The following ZIM3 variants were observed in gnomAD, a reference collection of about 807,000 sequenced individuals.
ZIM3 encodes the protein zinc finger imprinted 3, also known as zinc finger protein 657.
A neutral mutation model predicts 12.9 loss-of-function variants in ZIM3; 11 were observed. The ratio of observed to expected loss-of-function variants is 0.85; its 90% confidence interval spans 0.54 to 1.41. ZIM3 has a LOEUF of 1.41. Ranked by LOEUF, ZIM3 falls within the 40% of genes most tolerant of loss-of-function variation. The pLI, the probability that ZIM3 is intolerant of heterozygous loss-of-function variation, is 0.00. For synonymous variants in ZIM3, 205 were observed against 198.5 expected, an observed-to-expected ratio of 1.03 and a Z score of -0.28; for missense variants, 604 against 557.2, an observed-to-expected ratio of 1.08 and a Z score of -0.85.
Position 57,135,511 on chromosome 19 carries a change from T to C in ZIM3, c.826A>G (p.Lys276Glu). 1 of 1,614,116 alleles carries C rather than the reference T, an allele frequency of 6.2e-7. No homozygotes were observed. The highest frequency in any genetic ancestry group is 1.3e-5 in the African/African-American group (1 of 75,050). Reference protein sequence around the residue: ...CINHEKIHNAKKSYQCNECEK... With the variant: ...CINHEKIHNAEKSYQCNECEK... ...CATTCATTACACTGATAGGATTTCT[T>C]GGCATTATGAATTTTCTCATGATTA... is the stretch of plus-strand genomic sequence containing the variant. Residue 276 changes from lysine to glutamate, a missense_variant, in exon 5 of 5, where the codon AAG (lysine) becomes GAG (glutamate). Physicochemically the swap from Lys to Glu is moderately conservative, Grantham distance 56. Coordinates refer to ENST00000269834, the MANE Select transcript of ZIM3 (RefSeq NM_052882.1).
chr19:57,142,603 G>T (rs750715649), intron 2 of ZIM3, 26 bp downstream of exon 2: 13 of 1,612,808 alleles, frequency 8.1e-6, no homozygotes, highest in Non-Finnish European at 1.0e-5. Flanking sequence ...TTCATTATGA[G>T]ATTTAGATTT....
chr19:57,136,792 C>A lies in ZIM3; in HGVS notation c.241+81G>T, dbSNP rs11882626. ...AGCACTCCCAGGAAGTCACAGCTGG[C>A]TGCCAAACGACTTCCTCATTTAGAA... On this transcript the variant is annotated intron_variant, in intron 4 of 4. Coordinates refer to ENST00000269834, the MANE Select transcript of ZIM3 (RefSeq NM_052882.1). 4.8e-3 allele frequency: 5,763 copies of A among 1,201,932 alleles called. 169 individuals are homozygous for A. The African/African-American group carries it at 0.072, about 15-fold the overall frequency. The allele number at this position is 1,201,932 out of a possible 1,614,324, so 74.5% of individuals were successfully genotyped here. A position where few individuals can be genotyped will look rare whatever the true frequency, so the allele number is the denominator to read the frequency against.
chr19:57,139,947 C>T (rs2086906319), intron 2 of ZIM3, among the ~76,000 whole-genome samples: 1 of 152,104 alleles, frequency 6.6e-6, no homozygotes, highest in Admixed American at 6.5e-5. Context: ...CAGGGTCACA[C>T]AGCACTCCCC....
In ZIM3 at chr19:57,135,325, T is replaced by C. The variant is rs377034508; in HGVS notation, c.1012A>G (p.Ser338Gly). The C allele has an allele frequency of 2.8e-5, 45 of 1,614,018 alleles. No homozygotes were observed. In the African/African-American group the frequency reaches 5.3e-4, roughly 19 times the overall value. Residue 338 changes from serine to glycine, a missense_variant, in exon 5 of 5, where the codon AGC becomes GGC. Coordinates refer to ENST00000269834, the MANE Select transcript of ZIM3 (RefSeq NM_052882.1). ...IHTGEKPYKC[S>G]ICEKAFSQKS... Reference sequence around the variant, plus strand: ...TGGGAAAAGGCCTTCTCACATATGCTACATTTATAGGGTTTCTCTCCCGTG... The same window carrying C: ...TGGGAAAAGGCCTTCTCACATATGCCACATTTATAGGGTTTCTCTCCCGTG...
Position 57,142,683 on chromosome 19 carries a change from G to C in ZIM3, c.-40C>G. The stretch of plus-strand genomic sequence containing the variant: ...CAGTCAGTAAAGTCTTGGGAAGGCA[G>C]ATCTGAGGGAAAATGGAAAAGAACC... On this transcript the variant is annotated splice_region_variant and 5_prime_UTR_variant, in exon 2 of 5. It adds an upstream start codon to the 5' untranslated region. Transcript: ENST00000269834. 1 of 1,609,926 alleles carries C rather than the reference G, an allele frequency of 6.2e-7. No individual in the cohort carries two copies. The highest frequency in any genetic ancestry group is 8.5e-7 in the Non-Finnish European group (1 of 1,177,878).
Position 57,134,729 on chromosome 19 carries a change from T to TA in ZIM3, c.*188dup. 1.7e-6 allele frequency: 1 copy of TA among 577,824 alleles called. No homozygotes were observed. Among genetic ancestry groups the TA allele is most frequent in the Non-Finnish European group, 3.0e-6 (1 of 335,588 alleles). The allele number at this position is 577,824 out of a possible 1,614,324, so 35.8% of individuals were successfully genotyped here. ...TTCCTGGTACACAAAAGGCATCTAATAAATATTTATACTTAATAAACATTT... is the reference window on the plus strand; with the variant it reads ...TTCCTGGTACACAAAAGGCATCTAATAAAATATTTATACTTAATAAACATTT... On this transcript the variant is annotated 3_prime_UTR_variant, in exon 5 of 5. Transcript: ENST00000269834.
intron 3 of ZIM3, among the ~76,000 whole-genome samples, chr19:57,137,922 A>AGAAG (rs1285328183): frequency 4.8e-5 from 1 of 20,712 alleles, no homozygotes. Context: ...AAGGAAGGAA[A>AGAAG]GAAGGAAGGA....
At chr19:57,140,763 C>T (rs549406671) in intron 2 of ZIM3, among the ~76,000 whole-genome samples, 1 of 152,304 alleles carries the variant, frequency 6.6e-6, no homozygotes, top group East Asian at 1.9e-4. Context: ...TGAGCCACCA[C>T]ACCCAGCCTT....
Position 57,138,053 on chromosome 19 carries a change from A to AGG in ZIM3, c.142+418_142+419insCC, listed in dbSNP as rs1196432056. Among the ~76,000 whole-genome samples the AGG allele has an allele frequency of 3.6e-4, 26 of 73,174 alleles. 1 individual carries two copies. Among genetic ancestry groups the AGG allele is most frequent in the African/African-American group, 8.6e-4 (13 of 15,130 alleles). 48.0% of individuals were successfully genotyped at this position (73,174 alleles called of 152,430 possible). A position where few individuals can be genotyped will look rare whatever the true frequency, so the allele number is the denominator to read the frequency against. On this transcript the variant is annotated intron_variant, in intron 3 of 4. Coordinates refer to ENST00000269834, the MANE Select transcript of ZIM3 (RefSeq NM_052882.1). ...AAGGAAAGAAGGAAGGAAGGAAGGA[A>AGG]AGAAGGAAGGAAGGAAGGAAGGAAA...
rs111671844 is a variant in ZIM3, at chr19:57,136,304, C to T, written c.242-209G>A. Among the ~76,000 whole-genome samples, 117 of 152,166 alleles carry T rather than the reference C, an allele frequency of 7.7e-4. 1 individual carries two copies. The highest frequency in any genetic ancestry group is 2.5e-3 in the African/African-American group (105 of 41,520). On this transcript the variant is annotated intron_variant, in intron 4 of 4. Transcript: ENST00000269834. ...TATCTGTCTGTAAAGGACTGAGCAACGTAGACCTAGTGCACAGGGAGCAGG... is the reference window on the plus strand; with the variant it reads ...TATCTGTCTGTAAAGGACTGAGCAATGTAGACCTAGTGCACAGGGAGCAGG...
At chr19:57,136,466 C>T (rs1286276984) in intron 4 of ZIM3, among the ~76,000 whole-genome samples, 1 of 151,648 alleles carries the variant, frequency 6.6e-6, no homozygotes, top group African/African-American at 2.4e-5. Context: ...GGTTCAAGAC[C>T]AGCCTGACCA....
intron 3 of ZIM3, 114 bp downstream of exon 3, chr19:57,138,358 A>C: frequency 6.7e-7 from 1 of 1,488,394 alleles, no homozygotes; most frequent in South Asian, 1.1e-5. Context: ...GCTCTACAAA[A>C]ACATATGCGA....
At chr19:57,142,741 G>A in intron 1 of ZIM3, 56 bp from the exon 2 acceptor site, 3 of 1,392,982 alleles carry the variant, frequency 2.2e-6, no homozygotes, top group Non-Finnish European at 3.0e-6. Context: ...GGAAGTTGGG[G>A]ATCATCCAGC....
At chr19:57,140,536 A>G (rs2122667846) in intron 2 of ZIM3, among the ~76,000 whole-genome samples, 1 of 151,912 alleles carries the variant, frequency 6.6e-6, no homozygotes, top group Non-Finnish European at 1.5e-5. Context: ...GTACAGTGGC[A>G]TGATCATGGC....
intron 4 of ZIM3, 48 bp from the exon 5 acceptor site, chr19:57,136,143 A>T: frequency 6.7e-7 from 1 of 1,496,282 alleles, no homozygotes; most frequent in Non-Finnish European, 9.1e-7. Context: ...TTCCACTCAC[A>T]TGCTTGAAAT....
At chr19:57,138,349 C>T (rs1419415588) in intron 3 of ZIM3, 123 bp downstream of exon 3, 2 of 1,419,768 alleles carry the variant, frequency 1.4e-6, no homozygotes. Context: ...CTAGTCCCGG[C>T]TCTACAAAAA....
chr19:57,143,223 C>T (rs8112878), intron 1 of ZIM3, among the ~76,000 whole-genome samples: 9 of 151,404 alleles, frequency 5.9e-5, no homozygotes, highest in Non-Finnish European at 1.0e-4. Context: ...CCCAGCTACT[C>T]GGGAGGCTGA....
chr19:57,134,607 T>G lies in ZIM3; in HGVS notation c.*311A>C, dbSNP rs2086876500. 4.0e-6 allele frequency: 1 copy of G among 249,878 alleles called. No individual in the cohort carries two copies. The highest frequency in any genetic ancestry group is 2.2e-5 in the African/African-American group (1 of 44,560). 15.5% of individuals were successfully genotyped at this position (249,878 alleles called of 1,614,324 possible). On this transcript the variant is annotated 3_prime_UTR_variant, in exon 5 of 5. Coordinates refer to ENST00000269834, the MANE Select transcript of ZIM3 (RefSeq NM_052882.1). The stretch of plus-strand genomic sequence containing the variant: ...AAAAGTATAGTCTTTTAAACGTTTT[T>G]AAAGATATGGATACCACTGGTCATT...
At chr19:57,141,160 T>C (rs1377222150) in intron 2 of ZIM3, among the ~76,000 whole-genome samples, 1 of 152,064 alleles carries the variant, frequency 6.6e-6, no homozygotes, top group Non-Finnish European at 1.5e-5. Flanking sequence ...TTTGGGAGGC[T>C]GAGGCGGGTG....
Sources: allele counts gnomAD v4.1 joint callset (sites outside exome capture counted in the v4.1 genomes callset), GRCh38; gene constraint gnomAD v4.1.1; transcripts MANE v1.5; gene names NCBI Gene and HGNC (gene_info 2026-07-23, HGNC 2026-07-21).